Variants in UPF2 observed in about 807,000 individuals in gnomAD.
UPF2 encodes the protein UPF2 regulator of nonsense mediated mRNA decay.
A neutral mutation model predicts 141.4 loss-of-function variants in UPF2; 17 were observed. That is an observed-to-expected ratio of 0.12 (90% CI 0.08 to 0.18). UPF2 has a LOEUF of 0.18. Ranked by LOEUF, UPF2 falls within the 10% of genes least tolerant of loss-of-function variation. The probability of loss-of-function intolerance (pLI) is 1.00; values close to 1 mark genes in which losing one functional copy is unlikely to be tolerated. For synonymous variants in UPF2, 540 were observed against 498.0 expected, an observed-to-expected ratio of 1.08 and a Z score of -1.12; for missense variants, 1,152 against 1,515.9, an observed-to-expected ratio of 0.76 and a Z score of 3.99.
chr10:11,981,103 C>T (rs564458654), intron 8 of UPF2, among the ~76,000 whole-genome samples: 7 of 152,160 alleles, frequency 4.6e-5, no homozygotes, highest in Non-Finnish European at 1.0e-4. Context: ...GTGGAGGTTG[C>T]AGTGAGCCAA....
intron 16 of UPF2, among the ~76,000 whole-genome samples, chr10:11,945,631 G>A (rs1832991262): frequency 6.6e-6 from 1 of 152,162 alleles, no homozygotes; most frequent in Admixed American, 6.5e-5. Context: ...AACTGGAAAA[G>A]TAAGTAATAG....
intron 18 of UPF2, among the ~76,000 whole-genome samples, chr10:11,937,814 CT>C (rs1832873314): frequency 6.6e-6 from 1 of 152,072 alleles, no homozygotes. Flanking sequence ...TTTATTGTTT[CT>C]TTTTTAAGCT....
intron 2 of UPF2, 80 bp downstream of exon 2, chr10:12,034,979 T>C (rs1834595714): frequency 6.7e-7 from 1 of 1,501,972 alleles, no homozygotes; most frequent in Non-Finnish European, 8.8e-7. Context: ...CAGGACGCTA[T>C]ATTTCAAATA....
At chr10:12,000,465 T>C (rs1321562904) in intron 6 of UPF2, among the ~76,000 whole-genome samples, 2 of 152,098 alleles carry the variant, frequency 1.3e-5, no homozygotes, top group Non-Finnish European at 2.9e-5. Context: ...AAAAGCAATA[T>C]TGACAGAAGG....
intron 9 of UPF2, among the ~76,000 whole-genome samples, chr10:11,972,461 C>T (rs757506407): frequency 1.3e-5 from 2 of 152,052 alleles, no homozygotes; most frequent in African/African-American, 4.8e-5. Flanking sequence ...TATACATGTG[C>T]CATGTTGGTG....
intron 1 of UPF2, among the ~76,000 whole-genome samples, chr10:12,037,318 G>A (rs551494141): frequency 9.2e-5 from 14 of 152,078 alleles, no homozygotes; most frequent in Non-Finnish European, 1.8e-4. Flanking sequence ...CTGAGTTTAA[G>A]TGATCCATCC....
In UPF2 at chr10:11,938,853, G is replaced by GTTTTGTTTTTTTTTT. The variant is rs1832889729; in HGVS notation, c.3379-2142_3379-2141insAAAAAAAAAACAAAA. Among the ~76,000 whole-genome samples the GTTTTGTTTTTTTTTT allele has an allele frequency of 8.8e-5, 7 of 79,832 alleles. No homozygotes were observed. The East Asian group carries it at 2.5e-3, about 28-fold the overall frequency. The allele number at this position is 79,832 out of a possible 152,430, so 52.4% of individuals were successfully genotyped here. ...GTGGTCTTAAGCAAGTTTTTTTTTT[G>GTTTTGTTTTTTTTTT]TTTTTTTTTTTTTTTTTTTTTTTTT... On this transcript the variant is annotated intron_variant, in intron 18 of 21. Transcript: ENST00000357604.
chr10:12,039,427 C>CATATGGGGACATA (rs1834694160), intron 1 of UPF2, among the ~76,000 whole-genome samples: 1 of 152,132 alleles, frequency 6.6e-6, no homozygotes, highest in African/African-American at 2.4e-5. Context: ...TTAGCAGACT[C>CATATGGGGACATA]TGGCTGAAAC....
intron 11 of UPF2, among the ~76,000 whole-genome samples, chr10:11,962,715 G>A (rs1296111448): frequency 6.6e-6 from 1 of 152,044 alleles, no homozygotes; most frequent in Non-Finnish European, 1.5e-5. Flanking sequence ...ATTATTCACT[G>A]CCACCAGGAA....
At chr10:11,963,356 G>A (rs1455353595) in intron 11 of UPF2, among the ~76,000 whole-genome samples, 9 of 133,564 alleles carry the variant, frequency 6.7e-5, no homozygotes, top group East Asian at 1.9e-4. Context: ...TCATTCATTC[G>A]AGACAGGGTC....
At position 11,940,952 on chromosome 10, in the gene UPF2, A is replaced by C. The variant is rs1314477454; in HGVS notation, c.3378+1713T>G. On this transcript the variant is annotated intron_variant, in intron 18 of 21. Transcript: ENST00000357604. The surrounding 1 kb of genome is among the most constrained non-coding windows in gnomAD (Gnocchi z 4.2). ...AATTTTCACCTGGATGGATGGCTCC[A>C]CTTTACTTTGCCCTGTTTGAAATTC... Among the ~76,000 whole-genome samples, 1 of 151,584 alleles carries C rather than the reference A, an allele frequency of 6.6e-6. No individual in the cohort carries two copies. The highest frequency in any genetic ancestry group is 2.4e-5 in the African/African-American group (1 of 41,212).
chr10:12,011,679 C>T (rs1834129833), intron 4 of UPF2, among the ~76,000 whole-genome samples: 1 of 151,868 alleles, frequency 6.6e-6, no homozygotes, highest in South Asian at 2.1e-4. Flanking sequence ...GGCGCAGTGG[C>T]TCACACCTGT....
intron 6 of UPF2, among the ~76,000 whole-genome samples, chr10:12,000,487 T>TA (rs897556576): frequency 6.6e-6 from 1 of 152,140 alleles, no homozygotes; most frequent in Non-Finnish European, 1.5e-5. Flanking sequence ...ATCCTTCTAA[T>TA]AAAGAATCTT....
intron 8 of UPF2, among the ~76,000 whole-genome samples, chr10:11,991,404 C>T (rs1427261274): frequency 6.6e-6 from 1 of 151,736 alleles, no homozygotes; most frequent in African/African-American, 2.4e-5. Flanking sequence ...AAAAGAAAGC[C>T]AAAACAAGAT....
rs796617575 is a variant in UPF2, at chr10:11,978,554, A to G, written c.1953+503T>C. 3.9e-5 allele frequency among the ~76,000 whole-genome samples: 6 copies of G among 152,310 alleles called. 1 individual carries two copies. The highest frequency in any genetic ancestry group is 1.2e-4 in the African/African-American group (5 of 41,566). On this transcript the variant is annotated intron_variant, in intron 9 of 21. Coordinates refer to ENST00000357604, the MANE Select transcript of UPF2 (RefSeq NM_015542.4). ...CTGTTATTTCCCAGGGTGATCTTTA[A>G]AAAACTCACCATGGTCCAAGGTAAA...
Position 11,952,115 on chromosome 10 carries a change from T to C in UPF2, c.2985A>G (p.Glu995=). The change falls in exon 15 of 22, where the codon GAA becomes GAG. Residue 995 remains glutamate, a synonymous_variant. Transcript: ENST00000357604. ...PKIKLCNSLE[E]SIRQVQDLER... is the part of the protein sequence containing the mutation. ...CCAAGTCTTGTACCTGCCTGATGGA[T>C]TCTTCCAGAGAATTACAGAGTTTGA... 1 of 1,614,130 alleles carries C rather than the reference T, an allele frequency of 6.2e-7. No homozygotes were observed. Among genetic ancestry groups the C allele is most frequent in the South Asian group, 1.1e-5 (1 of 91,078 alleles).
At chr10:12,022,717 T>G (rs576524690) in intron 3 of UPF2, among the ~76,000 whole-genome samples, 1 of 152,294 alleles carries the variant, frequency 6.6e-6, no homozygotes, top group South Asian at 2.1e-4. Flanking sequence ...TTAAACAACC[T>G]ACCTGTGAAG....
chr10:11,976,855 A>C (rs1259603816), intron 9 of UPF2, among the ~76,000 whole-genome samples: 1 of 152,222 alleles, frequency 6.6e-6, no homozygotes, highest in Non-Finnish European at 1.5e-5. Flanking sequence ...CTATGTGAGG[A>C]GCTGCATGTG....
In UPF2 at chr10:11,954,649, T is replaced by A. The variant is rs1348421420; in HGVS notation, c.2850+583A>T. 9.2e-3 allele frequency among the ~76,000 whole-genome samples: 1,288 copies of A among 139,556 alleles called. 9 individuals are homozygous for A. Among genetic ancestry groups the A allele is most frequent in the African/African-American group, 0.022 (837 of 37,998 alleles). 91.6% of individuals were successfully genotyped at this position (139,556 alleles called of 152,430 possible). On this transcript the variant is annotated intron_variant, in intron 14 of 21. Coordinates refer to ENST00000357604, the MANE Select transcript of UPF2 (RefSeq NM_015542.4). ...ACTTACTCTCAAAAAAAAAAATATATATATATATATATACATATATATATC... is the reference window on the plus strand; with the variant it reads ...ACTTACTCTCAAAAAAAAAAATATAAATATATATATATACATATATATATC...
Sources: allele counts gnomAD v4.1 joint callset (sites outside exome capture counted in the v4.1 genomes callset), GRCh38; gene constraint gnomAD v4.1.1; non-coding constraint Gnocchi (gnomAD v3.1); transcripts MANE v1.5; gene names NCBI Gene and HGNC (gene_info 2026-07-23, HGNC 2026-07-21).